The following ANTXR2 variants were observed in gnomAD, a reference collection of about 807,000 sequenced individuals.
The protein encoded by ANTXR2 is ANTXR cell adhesion molecule 2.
A neutral mutation model predicts 73.7 loss-of-function variants in ANTXR2; 44 were observed. The ratio of observed to expected loss-of-function variants is 0.60; its 90% CI spans 0.47 to 0.77. The LOEUF (loss-of-function observed/expected upper bound fraction) is 0.77. ANTXR2 is among the 30% of genes least tolerant of loss of function. ANTXR2 has a pLI of 0.00. For missense variants in ANTXR2, 604 were observed against 592.5 expected (o/e 1.02, Z -0.20); for synonymous variants, 217 against 205.9 (o/e 1.05, Z -0.46).
chr4:79,906,245 GAAGA>G lies in ANTXR2; in HGVS notation c.*1180_*1183del, dbSNP rs1386803425. 6.6e-6 allele frequency: 1 copy of G among 152,520 alleles called. No individual in the cohort carries two copies. The highest frequency in any genetic ancestry group is 1.5e-5 in the Non-Finnish European group (1 of 68,018). 9.4% of individuals were successfully genotyped at this position (152,520 alleles called of 1,614,324 possible). On this transcript the variant is annotated 3_prime_UTR_variant, in exon 17 of 17. Transcript: ENST00000403729. ...CTCCAGAAGATTTAATTTGTAAATTGAAGAAAGGTGGTCTTTTTCCTCTACTGAA... is the reference window on the plus strand; with the variant it reads ...CTCCAGAAGATTTAATTTGTAAATTGAAGGTGGTCTTTTTCCTCTACTGAA...
Position 80,055,264 on chromosome 4 carries a change from G to A in ANTXR2, c.487-46C>T, listed in dbSNP as rs777334263. 6.5e-6 allele frequency: 10 copies of A among 1,546,304 alleles called. No individual in the cohort carries two copies. In the East Asian group the frequency reaches 2.1e-4, roughly 33 times the overall value. ...AAGAGAGAAAAAAAGAGAGGGGAGAGGGAGAAAGTGAATTATTCAAATATC... is the reference window on the plus strand; with the variant it reads ...AAGAGAGAAAAAAAGAGAGGGGAGAAGGAGAAAGTGAATTATTCAAATATC... On this transcript the variant is annotated intron_variant, in intron 5 of 16. Transcript: ENST00000403729.
chr4:80,032,487 C>A (rs1732741971), intron 9 of ANTXR2, among the ~76,000 whole-genome samples: 1 of 151,716 alleles, frequency 6.6e-6, no homozygotes, highest in South Asian at 2.1e-4. Context: ...AAATTGTGAT[C>A]TTAATAGAAA....
chr4:79,984,372 T>C (rs2110020051), intron 13 of ANTXR2, among the ~76,000 whole-genome samples: 1 of 152,356 alleles, frequency 6.6e-6, no homozygotes, highest in Admixed American at 6.5e-5. Flanking sequence ...ACTGAAAAGA[T>C]AGGCAGTTGA....
At chr4:80,051,147 C>G (rs1733754618) in intron 7 of ANTXR2, among the ~76,000 whole-genome samples, 1 of 151,712 alleles carries the variant, frequency 6.6e-6, no homozygotes, top group Non-Finnish European at 1.5e-5. Context: ...CTTCGCATAA[C>G]TAAACCCATC....
At chr4:80,003,564 T>TAATAA (rs999759944) in intron 12 of ANTXR2, among the ~76,000 whole-genome samples, 7 of 151,362 alleles carry the variant, frequency 4.6e-5, no homozygotes, top group Non-Finnish European at 7.4e-5. Context: ...AGTATAATAA[T>TAATAA]AATAAAATAA....
intron 16 of ANTXR2, among the ~76,000 whole-genome samples, chr4:79,966,233 G>A (rs1729359632): frequency 6.6e-6 from 1 of 152,004 alleles, no homozygotes; most frequent in Non-Finnish European, 1.5e-5. Flanking sequence ...AGAACAGCCA[G>A]AGAAGTAGAG....
intron 10 of ANTXR2, among the ~76,000 whole-genome samples, chr4:80,028,502 T>C (rs1732541068): frequency 6.6e-6 from 1 of 152,146 alleles, no homozygotes; most frequent in Non-Finnish European, 1.5e-5. Context: ...ATGAGGCACA[T>C]GCCCATGGAT....
chr4:79,953,172 T>C lies in ANTXR2; in HGVS notation c.1428+24449A>G, dbSNP rs549158921. Among the ~76,000 whole-genome samples, 3 of 152,218 alleles carry C rather than the reference T, an allele frequency of 2.0e-5. No homozygotes were observed. In the East Asian group the frequency reaches 5.8e-4, roughly 29 times the overall value. On this transcript the variant is annotated intron_variant, in intron 16 of 16. Coordinates refer to ENST00000403729, the MANE Select transcript of ANTXR2 (RefSeq NM_058172.6). ...GTACTCACACACTAAGGATTTCTCA[T>C]CAAAAAAATAGCTGGCAGCCCATTT... is the stretch of plus-strand genomic sequence containing the variant.
rs1726732912 is a variant in ANTXR2 at position 79,902,172 on chromosome 4, TA to T, written c.*5256del. 1.7e-4 allele frequency: 26 copies of T among 152,330 alleles called. No homozygotes were observed. Among genetic ancestry groups the T allele is most frequent in the Non-Finnish European group, 3.4e-4 (23 of 68,020 alleles). The allele number at this position is 152,330 out of a possible 1,614,324, so 9.4% of individuals were successfully genotyped here. On this transcript the variant is annotated 3_prime_UTR_variant, in exon 17 of 17. Transcript: ENST00000403729. The stretch of plus-strand genomic sequence containing the variant: ...TACAATGTTGTAAATATAATTCATC[TA>T]AGATACAAATAACTTCATGGCAATT...
Position 79,984,867 on chromosome 4 carries a change from T to C in ANTXR2, c.1042-4A>G. On this transcript the variant is annotated splice_polypyrimidine_tract_variant and splice_region_variant and intron_variant, in intron 12 of 16. Transcript: ENST00000403729. The stretch of plus-strand genomic sequence containing the variant: ...GTGGTGGAGGATCCTTAATAACCTG[T>C]CAAAAAAAATCAAATATAAAAATTT... The C allele has an allele frequency of 6.3e-7, 1 of 1,589,582 alleles. No homozygotes were observed. The highest frequency in any genetic ancestry group is 8.6e-7 in the Non-Finnish European group (1 of 1,167,060).
rs771868345 is a variant in ANTXR2, at chr4:79,907,481, T to G, written c.1429-14A>C. 1.9e-5 allele frequency: 31 copies of G among 1,610,804 alleles called. No individual in the cohort carries two copies. Among genetic ancestry groups the G allele is most frequent in the Middle Eastern group, 1.6e-4 (1 of 6,078 alleles). On this transcript the variant is annotated splice_polypyrimidine_tract_variant and intron_variant, in intron 16 of 16. Coordinates refer to ENST00000403729, the MANE Select transcript of ANTXR2 (RefSeq NM_058172.6). ...TATGCACCGGCCCTGAAGAAAGAAA[T>G]AAATCCATATTGAAATATTGAAGCC...
At chr4:80,050,931 T>C (rs1733743905) in intron 7 of ANTXR2, among the ~76,000 whole-genome samples, 1 of 151,684 alleles carries the variant, frequency 6.6e-6, no homozygotes, top group African/African-American at 2.4e-5. Context: ...AAAACAAGTA[T>C]GTGAAAGTCT....
In ANTXR2 at chr4:79,919,906, TATATATATATATATAA is replaced by T. The variant is rs1309907950; in HGVS notation, c.1429-12455_1429-12440del. 6.5e-3 allele frequency among the ~76,000 whole-genome samples: 115 copies of T among 17,656 alleles called. 1 individual carries two copies. Among genetic ancestry groups the T allele is most frequent in the African/African-American group, 0.024 (93 of 3,938 alleles). 11.6% of individuals were successfully genotyped at this position (17,656 alleles called of 152,430 possible). The stretch of plus-strand genomic sequence containing the variant: ...ATATATATATATATATATATATATA[TATATATATATATATAA>T]AAAATGATAGGGCAGACAAGTAATT... On this transcript the variant is annotated intron_variant, in intron 16 of 16. Coordinates refer to ENST00000403729, the MANE Select transcript of ANTXR2 (RefSeq NM_058172.6).
At chr4:80,056,944 T>C (rs1457564271) in intron 3 of ANTXR2, among the ~76,000 whole-genome samples, 6 of 151,884 alleles carry the variant, frequency 4.0e-5, no homozygotes, top group Non-Finnish European at 7.4e-5. Context: ...GGCAAAATTA[T>C]CCAAATTAAA....
chr4:79,959,915 G>A (rs895849093), intron 16 of ANTXR2, among the ~76,000 whole-genome samples: 1 of 152,230 alleles, frequency 6.6e-6, no homozygotes, highest in Admixed American at 6.5e-5. Flanking sequence ...CTCAATCAAT[G>A]TTAGGAAGTC....
At chr4:80,069,873 T>C (rs1011127819) in intron 2 of ANTXR2, among the ~76,000 whole-genome samples, 33 of 152,338 alleles carry the variant, frequency 2.2e-4, no homozygotes, top group African/African-American at 6.3e-4. Flanking sequence ...AAAGTGATTA[T>C]GGTTATCAAC....
intron 14 of ANTXR2, among the ~76,000 whole-genome samples, chr4:79,982,366 T>C (rs1443908812): frequency 6.6e-6 from 1 of 152,150 alleles, no homozygotes; most frequent in Non-Finnish European, 1.5e-5. Flanking sequence ...TATCAAGCCT[T>C]TTTTCCCCGT....
intron 16 of ANTXR2, among the ~76,000 whole-genome samples, chr4:79,951,666 T>C (rs916244785): frequency 2.0e-4 from 30 of 151,746 alleles, no homozygotes; most frequent in Non-Finnish European, 5.9e-5. Flanking sequence ...CACATATAGC[T>C]CAAAAGTTGC....
chr4:79,921,017 T>A lies in ANTXR2; in HGVS notation c.1429-13550A>T, dbSNP rs143824274. On this transcript the variant is annotated intron_variant, in intron 16 of 16. Coordinates refer to ENST00000403729, the MANE Select transcript of ANTXR2 (RefSeq NM_058172.6). Reference sequence around the variant, plus strand: ...AAATCCAAATGAAAGGCATATTACATCACTATCAGGTGGGAAACAGTATAA... The same window carrying A: ...AAATCCAAATGAAAGGCATATTACAACACTATCAGGTGGGAAACAGTATAA... Among the ~76,000 whole-genome samples the A allele has an allele frequency of 3.3e-3, 501 of 152,216 alleles. 1 individual carries two copies. The highest frequency in any genetic ancestry group is 5.3e-3 in the Non-Finnish European group (357 of 67,988).
Sources: allele counts gnomAD v4.1 joint callset (sites outside exome capture counted in the v4.1 genomes callset), GRCh38; gene constraint gnomAD v4.1.1; transcripts MANE v1.5; gene names NCBI Gene and HGNC (gene_info 2026-07-23, HGNC 2026-07-21).